FHOD3: variants seen among roughly 807,000 people sequenced by gnomAD.
FHOD3 encodes formin homology 2 domain containing 3.
Under a neutral mutation model 173.0 loss-of-function variants are expected in FHOD3, and 90 were observed. That is an observed-to-expected ratio of 0.52 (90% CI 0.44 to 0.62). The LOEUF (loss-of-function observed/expected upper bound fraction) is 0.62. Among genes scored for constraint, FHOD3 ranks in the 20% least tolerant of loss-of-function variants. The pLI, the probability that FHOD3 is intolerant of heterozygous loss-of-function variation, is 0.00. For missense variants in FHOD3, 1,945 were observed against 2,034.7 expected, an observed-to-expected ratio of 0.96 and a Z score of 0.85; for synonymous variants, 828 against 823.0, an observed-to-expected ratio of 1.01 and a Z score of -0.10.
At chr18:36,646,142 G>A (rs1454845317) in intron 10 of FHOD3, among the ~76,000 whole-genome samples, 3 of 152,100 alleles carry the variant, frequency 2.0e-5, no homozygotes, top group African/African-American at 7.2e-5. Flanking sequence ...GTGATGAAAC[G>A]ATTGTCTACA....
rs146120105 is a variant in FHOD3 at position 36,402,506 on chromosome 18, T to TACACACACACACAC, written c.337+29788_337+29801dup. Among the ~76,000 whole-genome samples the TACACACACACACAC allele has an allele frequency of 2.9e-3, 420 of 143,988 alleles. 1 individual carries two copies. Among genetic ancestry groups the TACACACACACACAC allele is most frequent in the Middle Eastern group, 0.017 (5 of 286 alleles). The allele number at this position is 143,988 out of a possible 152,430, so 94.5% of individuals were successfully genotyped here. On this transcript the variant is annotated intron_variant, in intron 3 of 28. Transcript: ENST00000590592. ...AGTGATATATAATGTGATGCAATTA[T>TACACACACACACAC]ACACACACACACACACACACACACA... is the stretch of plus-strand genomic sequence containing the variant.
chr18:36,691,487 C>T (rs2038959303), intron 16 of FHOD3, among the ~76,000 whole-genome samples: 1 of 152,204 alleles, frequency 6.6e-6, no homozygotes, highest in Non-Finnish European at 1.5e-5. Context: ...GAGGCCCTGC[C>T]TCTTACCCTT....
intron 4 of FHOD3, among the ~76,000 whole-genome samples, chr18:36,502,400 C>G (rs1203193503): frequency 1.3e-5 from 2 of 152,154 alleles, no homozygotes; most frequent in Admixed American, 6.5e-5. Flanking sequence ...CCTTCCCTAG[C>G]CCCCTACCCA....
intron 3 of FHOD3, among the ~76,000 whole-genome samples, chr18:36,444,110 G>A (rs1020762105): frequency 9.4e-5 from 14 of 148,304 alleles, no homozygotes; most frequent in Admixed American, 4.1e-4. Context: ...GGAGAATGGC[G>A]TGAACCCGGG....
chr18:36,498,260 C>T (rs529241467), intron 3 of FHOD3, among the ~76,000 whole-genome samples: 44 of 151,998 alleles, frequency 2.9e-4, no homozygotes, highest in Non-Finnish European at 4.6e-4. Context: ...AGAAACAAGA[C>T]GGGTCTCAAA....
intron 3 of FHOD3, among the ~76,000 whole-genome samples, chr18:36,389,069 G>A (rs918350697): frequency 6.6e-6 from 1 of 152,152 alleles, no homozygotes; most frequent in African/African-American, 2.4e-5. Flanking sequence ...CGACGGGTTC[G>A]TGTTTTCTGA....
intron 3 of FHOD3, among the ~76,000 whole-genome samples, chr18:36,443,625 T>C (rs903392724): frequency 2.6e-5 from 4 of 152,232 alleles, no homozygotes; most frequent in Non-Finnish European, 5.9e-5. Context: ...TTCCTTTTAA[T>C]GGAGAACGGT....
intron 5 of FHOD3, among the ~76,000 whole-genome samples, chr18:36,538,898 C>A (rs1193264964): frequency 6.6e-6 from 1 of 152,152 alleles, no homozygotes; most frequent in African/African-American, 2.4e-5. Context: ...TGATATGGAG[C>A]TATCCATGCA....
intron 17 of FHOD3, among the ~76,000 whole-genome samples, chr18:36,703,694 C>T (rs1431355100): frequency 6.6e-6 from 1 of 152,092 alleles, no homozygotes; most frequent in Non-Finnish European, 1.5e-5. Flanking sequence ...ACAAAGAAAA[C>T]AAGATTGTGT....
chr18:36,378,768 G>A lies in FHOD3; in HGVS notation c.337+6024G>A, dbSNP rs564628501. Reference sequence around the variant, plus strand: ...GTGATCTCAGCTCACTGCAACCTCCGCTTTCCCGGGTTCAAGTGATTCTCC... The same window carrying A: ...GTGATCTCAGCTCACTGCAACCTCCACTTTCCCGGGTTCAAGTGATTCTCC... On this transcript the variant is annotated intron_variant, in intron 3 of 28. Coordinates refer to ENST00000590592, the MANE Select transcript of FHOD3 (RefSeq NM_001281740.3). Among the ~76,000 whole-genome samples, 257 of 152,200 alleles carry A rather than the reference G, an allele frequency of 1.7e-3. 2 individuals are homozygous for A. Among genetic ancestry groups the A allele is most frequent in the African/African-American group, 6.1e-3 (252 of 41,514 alleles).
Position 36,779,591 on chromosome 18 carries a change from C to A in FHOD3, c.*61C>A. Reference sequence around the variant, plus strand: ...AAGGCAAGCTCTTGCTGGATGAAACCCCTCCAGGTGGGGTTGGGGAGACTT... The same window carrying A: ...AAGGCAAGCTCTTGCTGGATGAAACACCTCCAGGTGGGGTTGGGGAGACTT... On this transcript the variant is annotated 3_prime_UTR_variant, in exon 29 of 29. Transcript: ENST00000590592. 1 of 1,478,588 alleles carries A rather than the reference C, an allele frequency of 6.8e-7. No homozygotes were observed. The highest frequency in any genetic ancestry group is 9.4e-7 in the Non-Finnish European group (1 of 1,058,230). The allele number at this position is 1,478,588 out of a possible 1,614,324, so 91.6% of individuals were successfully genotyped here.
intron 2 of FHOD3, among the ~76,000 whole-genome samples, chr18:36,360,959 A>G (rs1393940227): frequency 2.0e-5 from 3 of 152,252 alleles, no homozygotes; most frequent in Non-Finnish European, 2.9e-5. Context: ...CTAAAAATCT[A>G]CTGAACCTAA....
At chr18:36,584,088 A>G (rs1035226194) in intron 6 of FHOD3, among the ~76,000 whole-genome samples, 1 of 152,176 alleles carries the variant, frequency 6.6e-6, no homozygotes, top group African/African-American at 2.4e-5. Flanking sequence ...TTGGCCTCCC[A>G]AAGTGCTAAG....
At chr18:36,769,454 TTCA>T in intron 28 of FHOD3, 28 bp downstream of exon 28, 1 of 1,608,668 alleles carries the variant, frequency 6.2e-7, no homozygotes, top group Non-Finnish European at 8.5e-7. Flanking sequence ...GGGGCGAGCC[TTCA>T]CCCCTACAGG....
chr18:36,677,532 C>T (rs2037944307), intron 14 of FHOD3, among the ~76,000 whole-genome samples: 1 of 152,288 alleles, frequency 6.6e-6, no homozygotes, highest in South Asian at 2.1e-4. Context: ...TGTAATAACA[C>T]ATTTGACATG....
intron 28 of FHOD3, among the ~76,000 whole-genome samples, chr18:36,777,085 A>G (rs563438395): frequency 6.6e-6 from 1 of 152,186 alleles, no homozygotes; most frequent in African/African-American, 2.4e-5. Flanking sequence ...TTCAGCCACA[A>G]TATATACCTA....
chr18:36,472,636 G>A (rs1251031307), intron 3 of FHOD3, among the ~76,000 whole-genome samples: 1 of 152,126 alleles, frequency 6.6e-6, no homozygotes, highest in Non-Finnish European at 1.5e-5. Flanking sequence ...GCCTGTGCTG[G>A]ACAATTCATA....
At chr18:36,401,337 T>G (rs774468559) in intron 3 of FHOD3, among the ~76,000 whole-genome samples, 3 of 152,200 alleles carry the variant, frequency 2.0e-5, no homozygotes, top group Non-Finnish European at 4.4e-5. Context: ...CACCAGACAC[T>G]GAATCTGCCG....
intron 21 of FHOD3, 95 bp from the exon 22 acceptor site, chr18:36,742,642 A>T: frequency 7.4e-7 from 1 of 1,360,212 alleles, no homozygotes; most frequent in Non-Finnish European, 1.0e-6. Context: ...TGCTGGGGAG[A>T]ACACCGTGTG....
Sources: allele counts gnomAD v4.1 joint callset (sites outside exome capture counted in the v4.1 genomes callset), GRCh38; gene constraint gnomAD v4.1.1; transcripts MANE v1.5; gene names NCBI Gene and HGNC (gene_info 2026-07-23, HGNC 2026-07-21).